NARS2: variants seen among roughly 807,000 people sequenced by gnomAD.
The protein encoded by NARS2 is asparaginyl-tRNA synthetase.
NARS2 carries 60 observed loss-of-function variants against 62.9 expected under a neutral mutation model. That is an observed-to-expected ratio of 0.95 (90% CI 0.77 to 1.18). The LOEUF is 1.18. Among genes scored for constraint, NARS2 ranks in the 50% most tolerant of loss-of-function variants. NARS2 has a pLI of 0.00. For missense variants in NARS2, 619 were observed against 576.4 expected (o/e 1.07, Z -0.76); for synonymous variants, 196 against 200.0 (o/e 0.98, Z 0.17).
At chr11:78,474,131 T>C (rs1858988358) in intron 9 of NARS2, among the ~76,000 whole-genome samples, 1 of 152,208 alleles carries the variant, frequency 6.6e-6, no homozygotes, top group South Asian at 2.1e-4. Context: ...GTATTATTTT[T>C]AGATGTTTTG....
intron 5 of NARS2, among the ~76,000 whole-genome samples, chr11:78,543,793 G>A (rs557817386): frequency 1.3e-5 from 2 of 152,084 alleles, no homozygotes; most frequent in Non-Finnish European, 1.5e-5. Flanking sequence ...AGCACTTTGG[G>A]AGGCCAAGGC....
chr11:78,546,060 T>C (rs529621137), intron 5 of NARS2, among the ~76,000 whole-genome samples: 1 of 152,228 alleles, frequency 6.6e-6, no homozygotes, highest in East Asian at 1.9e-4. Flanking sequence ...TTGCCTGGCT[T>C]CAACTGAGTG....
At chr11:78,546,369 A>G (rs1393721911) in intron 5 of NARS2, 1 of 152,272 alleles carries the variant, frequency 6.6e-6, no homozygotes, top group Non-Finnish European at 1.5e-5. Context: ...ACCATGTCCT[A>G]CTGATTACAC....
At chr11:78,563,215 AT>A (rs71046983) in intron 4 of NARS2, among the ~76,000 whole-genome samples, 97 of 115,710 alleles carry the variant, frequency 8.4e-4, no homozygotes, top group African/African-American at 1.8e-3. Flanking sequence ...AACCACTTGA[AT>A]TTTTTTTTTT....
intron 13 of NARS2, among the ~76,000 whole-genome samples, chr11:78,440,093 C>T (rs965224827): frequency 1.3e-5 from 2 of 152,214 alleles, no homozygotes; most frequent in African/African-American, 4.8e-5. Context: ...GAGACGGAGT[C>T]TCGCTCTGTC....
intron 11 of NARS2, among the ~76,000 whole-genome samples, chr11:78,449,137 T>TTC (rs1555009927): frequency 8.3e-5 from 12 of 144,806 alleles, no homozygotes; most frequent in Non-Finnish European, 1.7e-4. Flanking sequence ...AAAAATGTTT[T>TTC]TTTTTTTTTT....
At chr11:78,530,850 T>C (rs1039477012) in intron 5 of NARS2, among the ~76,000 whole-genome samples, 11 of 152,220 alleles carry the variant, frequency 7.2e-5, no homozygotes, top group Non-Finnish European at 1.2e-4. Flanking sequence ...ATTCAACTTA[T>C]TTAAAACATA....
At chr11:78,468,320 A>AAAAAAAG (rs1858716683) in intron 10 of NARS2, among the ~76,000 whole-genome samples, 6 of 149,174 alleles carry the variant, frequency 4.0e-5, no homozygotes, top group South Asian at 2.1e-4. Context: ...GAAAAAAAAA[A>AAAAAAAG]AAAAAAAAGA....
At chr11:78,552,382 C>T (rs1273130988) in intron 5 of NARS2, among the ~76,000 whole-genome samples, 1 of 152,082 alleles carries the variant, frequency 6.6e-6, no homozygotes, top group African/African-American at 2.4e-5. Flanking sequence ...TTTTCTTTAT[C>T]CAGTCTGTCA....
At chr11:78,564,120 G>A (rs1462159142) in intron 4 of NARS2, among the ~76,000 whole-genome samples, 2 of 151,600 alleles carry the variant, frequency 1.3e-5, no homozygotes, top group African/African-American at 4.8e-5. Context: ...GGCTGGTCTT[G>A]AACTCCTGAA....
intron 6 of NARS2, among the ~76,000 whole-genome samples, chr11:78,503,830 GAGT>G (rs1453005036): frequency 1.3e-5 from 2 of 152,148 alleles, no homozygotes; most frequent in Non-Finnish European, 2.9e-5. Context: ...TGAATTGGAG[GAGT>G]AAGAAGGAGG....
At chr11:78,558,518 C>T (rs1272740510) in intron 5 of NARS2, 2 of 152,170 alleles carry the variant, frequency 1.3e-5, no homozygotes, top group Non-Finnish European at 2.9e-5. Context: ...ATAAAGAAAT[C>T]AGTAAACAAA....
chr11:78,525,736 G>GT (rs1251157420), intron 6 of NARS2, among the ~76,000 whole-genome samples: 1 of 151,944 alleles, frequency 6.6e-6, no homozygotes, highest in African/African-American at 2.4e-5. Context: ...AAAAATTAGA[G>GT]TAAGAAAAGG....
At chr11:78,560,490 T>C (rs1856521683) in intron 4 of NARS2, among the ~76,000 whole-genome samples, 1 of 152,234 alleles carries the variant, frequency 6.6e-6, no homozygotes, top group Admixed American at 6.5e-5. Context: ...TAACGAAAAG[T>C]GAATTTATAA....
chr11:78,493,601 T>G (rs1859924441), intron 6 of NARS2, among the ~76,000 whole-genome samples: 1 of 151,482 alleles, frequency 6.6e-6, no homozygotes, highest in South Asian at 2.1e-4. Flanking sequence ...GAGGCCACAG[T>G]GAGCCATGTT....
At chr11:78,525,081 C>A (rs1218909856) in intron 6 of NARS2, among the ~76,000 whole-genome samples, 1 of 152,076 alleles carries the variant, frequency 6.6e-6, no homozygotes, top group Admixed American at 6.5e-5. Context: ...ACGTGACATT[C>A]TGGAAAAGGC....
chr11:78,526,713 G>C (rs1015193328), intron 6 of NARS2, among the ~76,000 whole-genome samples: 8 of 151,954 alleles, frequency 5.3e-5, no homozygotes, highest in African/African-American at 1.4e-4. Context: ...CGCTTTACTG[G>C]GAAAGAGGCA....
At chr11:78,459,132 C>T (rs1174132611) in intron 11 of NARS2, among the ~76,000 whole-genome samples, 1 of 151,846 alleles carries the variant, frequency 6.6e-6, no homozygotes, top group Non-Finnish European at 1.5e-5. Context: ...TCAGGCTGGT[C>T]TCGAACTCCT....
At chr11:78,441,254 C>T in intron 12 of NARS2, 137 bp from the exon 13 acceptor site, 1 of 684,376 alleles carries the variant, frequency 1.5e-6, no homozygotes, top group Non-Finnish European at 2.4e-6. Context: ...AAGTAATACT[C>T]AATATAGTTG....
Sources: allele counts gnomAD v4.1 joint callset (sites outside exome capture counted in the v4.1 genomes callset), GRCh38; gene constraint gnomAD v4.1.1; transcripts MANE v1.5; gene names NCBI Gene and HGNC (gene_info 2026-07-23, HGNC 2026-07-21).